The following TXLNA variants were observed in gnomAD, a reference collection of about 807,000 sequenced individuals.
TXLNA encodes the protein alpha-taxilin.
TXLNA carries 9 observed loss-of-function variants against 61.4 expected under a neutral mutation model. The observed-to-expected ratio is 0.15, with a 90% CI of 0.09 to 0.26. TXLNA has a LOEUF of 0.26. Among genes scored for constraint, TXLNA ranks in the 10% least tolerant of loss-of-function variants. The pLI, the probability that TXLNA is intolerant of heterozygous loss-of-function variation, is 1.00. For missense variants in TXLNA, 565 were observed against 688.8 expected, an observed-to-expected ratio of 0.82 and a Z score of 2.01; for synonymous variants, 257 against 267.7, an observed-to-expected ratio of 0.96 and a Z score of 0.39.
chr1:32,180,712 G>GGAGA (rs1272215246), intron 2 of TXLNA, among the ~76,000 whole-genome samples, 198 bp downstream of exon 2: 1 of 152,264 alleles, frequency 6.6e-6, no homozygotes, highest in East Asian at 1.9e-4. Context: ...ACAGAGTTCT[G>GGAGA]GAGAGAAGCT....
intron 3 of TXLNA, among the ~76,000 whole-genome samples, chr1:32,184,140 C>CT (rs1642732611): frequency 6.6e-6 from 1 of 152,226 alleles, no homozygotes; most frequent in African/African-American, 2.4e-5. Context: ...GATCCTACCT[C>CT]TATCAGGAGG....
In TXLNA at chr1:32,195,055, C is replaced by T. The variant is rs759244398; in HGVS notation, c.1501C>T (p.Pro501Ser). Residue 501 changes from proline (P) to serine (S), a missense_variant, in exon 11 of 11, where the codon CCT (proline) becomes TCT (serine). By Grantham distance (74) the Pro-to-Ser change is moderately conservative. This residue lies in a region of TXLNA where 373 missense variants were observed against 504.0 expected (regional missense o/e 0.74). Transcript: ENST00000373610. ...CCAGGGCTCCCTCACTGACAGTGGCCCTGAGAGGAGGCCAGAGGGGCCTGG... is the reference window on the plus strand; with the variant it reads ...CCAGGGCTCCCTCACTGACAGTGGCTCTGAGAGGAGGCCAGAGGGGCCTGG... ...GGQGSLTDSG[P>S]ERRPEGPGAQ... is the part of the protein sequence containing the mutation. The T allele has an allele frequency of 3.1e-6, 5 of 1,614,018 alleles. No individual in the cohort carries two copies. In the South Asian group the frequency reaches 3.3e-5, roughly 11 times the overall value.
intron 4 of TXLNA, among the ~76,000 whole-genome samples, chr1:32,186,773 C>T (rs1296446827): frequency 6.6e-6 from 1 of 152,162 alleles, no homozygotes; most frequent in Non-Finnish European, 1.5e-5. Flanking sequence ...AGTGGGTGTG[C>T]TCTCTGGTAG....
chr1:32,185,502 C>T (rs1341694640), intron 4 of TXLNA, among the ~76,000 whole-genome samples: 1 of 151,500 alleles, frequency 6.6e-6, no homozygotes, highest in South Asian at 2.1e-4. Flanking sequence ...ATGCCATTCT[C>T]CTGCCTCAGC....
At chr1:32,190,356 T>TTCCTCC (rs10551696) in intron 6 of TXLNA, 107 bp downstream of exon 6, 2 of 1,027,522 alleles carry the variant, frequency 1.9e-6, no homozygotes, top group African/African-American at 3.3e-5. Flanking sequence ...TCTCCCTTTC[T>TTCCTCC]TCCTCCTCCT....
At chr1:32,188,493 C>T (rs993423577) in intron 5 of TXLNA, among the ~76,000 whole-genome samples, 2 of 152,020 alleles carry the variant, frequency 1.3e-5, no homozygotes, top group African/African-American at 4.8e-5. Flanking sequence ...CAAAAATTAG[C>T]CGAGTGTGCT....
chr1:32,190,744 A>G (rs919768278), intron 6 of TXLNA, among the ~76,000 whole-genome samples: 1 of 152,170 alleles, frequency 6.6e-6, no homozygotes, highest in Non-Finnish European at 1.5e-5. Flanking sequence ...GTGATCAGTG[A>G]TGGACTCCAG....
At chr1:32,181,160 A>T in intron 2 of TXLNA, 82 bp from the exon 3 acceptor site, 1 of 1,222,012 alleles carries the variant, frequency 8.2e-7, no homozygotes, top group South Asian at 2.1e-5. Flanking sequence ...CAAACTGATG[A>T]GTTTGGCTGG....
At position 32,192,186 on chromosome 1, in the gene TXLNA, C is replaced by T; in HGVS notation, c.964-125C>T. On this transcript the variant is annotated intron_variant, in intron 6 of 10. Coordinates refer to ENST00000373610, the MANE Select transcript of TXLNA (RefSeq NM_175852.4). The surrounding 1 kb of genome is among the most constrained non-coding windows in gnomAD (Gnocchi z 4.2). ...CTTGGGGCCCATGTTGTGTGGTACA[C>T]ATGGGAGTCCATCATATCAGATTGA... 4 of 1,414,500 alleles carry T rather than the reference C, an allele frequency of 2.8e-6. No homozygotes were observed. Among genetic ancestry groups the T allele is most frequent in the Non-Finnish European group, 3.9e-6 (4 of 1,034,210 alleles). The allele number at this position is 1,414,500 out of a possible 1,614,324, so 87.6% of individuals were successfully genotyped here. A position where few individuals can be genotyped will look rare whatever the true frequency, so the allele number is the denominator to read the frequency against.
At chr1:32,189,266 G>A (rs999790254) in intron 5 of TXLNA, among the ~76,000 whole-genome samples, 2 of 152,172 alleles carry the variant, frequency 1.3e-5, no homozygotes, top group African/African-American at 4.8e-5. Flanking sequence ...CTAGGTCACA[G>A]TATATGCAGA....
At chr1:32,186,416 G>T (rs1642790836) in intron 4 of TXLNA, among the ~76,000 whole-genome samples, 2 of 150,580 alleles carry the variant, frequency 1.3e-5, no homozygotes, top group African/African-American at 4.9e-5. Context: ...GGAAGGAGAG[G>T]AGTGTGAATA....
Position 32,188,133 on chromosome 1 carries a change from G to A in TXLNA, c.768+9G>A. On this transcript the variant is annotated intron_variant, in intron 5 of 10. Transcript: ENST00000373610. Reference sequence around the variant, plus strand: ...ACAACCGCTCCCTCAAGGTAGGCCTGGGCCCCCTGGAACAGGTGACTCTGG... The same window carrying A: ...ACAACCGCTCCCTCAAGGTAGGCCTAGGCCCCCTGGAACAGGTGACTCTGG... 3 of 1,544,724 alleles carry A rather than the reference G, an allele frequency of 1.9e-6. No homozygotes were observed. Among genetic ancestry groups the A allele is most frequent in the Non-Finnish European group, 2.6e-6 (3 of 1,141,726 alleles).
rs565923812 is a variant in TXLNA, at chr1:32,185,892, G to A, written c.597+1276G>A. Among the ~76,000 whole-genome samples the A allele has an allele frequency of 2.6e-5, 4 of 151,058 alleles. No individual in the cohort carries two copies. In the East Asian group the frequency reaches 7.8e-4, roughly 29 times the overall value. On this transcript the variant is annotated intron_variant, in intron 4 of 10. Coordinates refer to ENST00000373610, the MANE Select transcript of TXLNA (RefSeq NM_175852.4). The stretch of plus-strand genomic sequence containing the variant: ...TTTTGTATGTTTTAGTAGAGACAGA[G>A]TTTCAGTATGTTGGCCAGGATGGTC...
Position 32,195,259 on chromosome 1 carries a change from G to A in TXLNA, c.*64G>A. On this transcript the variant is annotated 3_prime_UTR_variant, in exon 11 of 11. Coordinates refer to ENST00000373610, the MANE Select transcript of TXLNA (RefSeq NM_175852.4). Reference sequence around the variant, plus strand: ...GCCCAGCCAGGCCTGGCCCATAAAAGGCTCCCATGCTGAGCAGCCCATTGC... The same window carrying A: ...GCCCAGCCAGGCCTGGCCCATAAAAAGCTCCCATGCTGAGCAGCCCATTGC... 6.7e-7 allele frequency: 1 copy of A among 1,493,490 alleles called. No homozygotes were observed. Among genetic ancestry groups the A allele is most frequent in the Non-Finnish European group, 8.9e-7 (1 of 1,120,210 alleles). The allele number at this position is 1,493,490 out of a possible 1,614,324, so 92.5% of individuals were successfully genotyped here. A position where few individuals can be genotyped will look rare whatever the true frequency, so the allele number is the denominator to read the frequency against.
chr1:32,191,443 T>C (rs900526700), intron 6 of TXLNA, among the ~76,000 whole-genome samples: 2 of 152,142 alleles, frequency 1.3e-5, no homozygotes, highest in Non-Finnish European at 2.9e-5. Context: ...GCTGCTTGTT[T>C]GGTTTGAGGG....
intron 9 of TXLNA, among the ~76,000 whole-genome samples, chr1:32,193,857 C>T (rs1002293279): frequency 2.6e-5 from 4 of 152,078 alleles, no homozygotes; most frequent in African/African-American, 7.2e-5. Flanking sequence ...ATGCCTGGCC[C>T]CTTACCATTC....
At position 32,180,413 on chromosome 1, in the gene TXLNA, C is replaced by A. The variant is rs142183427; in HGVS notation, c.68C>A (p.Pro23Gln). The A allele has an allele frequency of 6.2e-7, 1 of 1,614,036 alleles. No individual in the cohort carries two copies. Among genetic ancestry groups the A allele is most frequent in the Non-Finnish European group, 8.5e-7 (1 of 1,179,954 alleles). The change falls in exon 2 of 11, where the codon CCG becomes CAG. Residue 23 changes from proline to glutamine, a missense_variant. Pro to Gln is a moderately conservative substitution (Grantham distance 76, BLOSUM62 -1). Coordinates refer to ENST00000373610, the MANE Select transcript of TXLNA (RefSeq NM_175852.4). ...AATCCAAAAAGCAGCCCAGGACAAC[C>A]GGAAGCAGGACCCGAGGGAGCCCAG... is the stretch of plus-strand genomic sequence containing the variant. Reference protein sequence around the residue: ...QSNPKSSPGQPEAGPEGAQER... With the variant: ...QSNPKSSPGQQEAGPEGAQER...
intron 6 of TXLNA, 82 bp downstream of exon 6, chr1:32,190,331 C>T: frequency 7.6e-7 from 1 of 1,311,928 alleles, no homozygotes; most frequent in Non-Finnish European, 1.0e-6. Context: ...AGTACCTTTT[C>T]AGGCTTCATC....
chr1:32,193,897 TC>T (rs1333677061), intron 9 of TXLNA, among the ~76,000 whole-genome samples, 167 bp from the exon 10 acceptor site: 3 of 152,156 alleles, frequency 2.0e-5, no homozygotes, highest in Admixed American at 6.5e-5. Context: ...ACCTCTGACT[TC>T]CTGGTGGTGA....
Sources: gnomAD v4.1 joint callset for allele counts (sites outside exome capture counted in the v4.1 genomes callset) on GRCh38, gnomAD v4.1.1 for gene constraint, gnomAD v4.1.1 regional missense constraint, Gnocchi (gnomAD v3.1) non-coding constraint, MANE v1.5 for transcripts, NCBI Gene and HGNC (gene_info 2026-07-23, HGNC 2026-07-21) for gene names.